The following DOCK2 variants were observed in gnomAD, a reference collection of about 807,000 sequenced individuals.
DOCK2 encodes the protein dedicator of cytokinesis 2, also known as dedicator of cytokinesis protein 2.
A neutral mutation model predicts 248.9 loss-of-function variants in DOCK2; 87 were observed. The observed-to-expected ratio is 0.35, with a 90% CI of 0.29 to 0.42. The LOEUF is 0.42. Ranked by LOEUF, DOCK2 falls within the 10% of genes least tolerant of loss-of-function variation. The probability of loss-of-function intolerance (pLI) is 1.00; values close to 1 mark genes in which losing one functional copy is unlikely to be tolerated. For synonymous variants in DOCK2, 805 were observed against 821.6 expected, an observed-to-expected ratio of 0.98 and a Z score of 0.35; for missense variants, 1,747 against 2,300.2, an observed-to-expected ratio of 0.76 and a Z score of 4.92.
chr5:169,939,203 CTT>C (rs56040572), intron 27 of DOCK2, among the ~76,000 whole-genome samples: 3 of 143,696 alleles, frequency 2.1e-5, no homozygotes, highest in Non-Finnish European at 3.0e-5. Flanking sequence ...TGTGCCCGGC[CTT>C]TTTTTTTTTT....
At chr5:169,997,451 G>A (rs1754687166) in intron 30 of DOCK2, among the ~76,000 whole-genome samples, 1 of 145,392 alleles carries the variant, frequency 6.9e-6, no homozygotes, top group Non-Finnish European at 1.5e-5. Context: ...GGACGGTCAG[G>A]TCTTTCCCTT....
chr5:169,800,955 T>TTTTTTTC (rs1766937079), intron 25 of DOCK2, among the ~76,000 whole-genome samples: 1 of 83,078 alleles, frequency 1.2e-5, no homozygotes, highest in Non-Finnish European at 2.7e-5. Flanking sequence ...TTTTTTTTTT[T>TTTTTTTC]TTTTTTTTTT....
intron 27 of DOCK2, among the ~76,000 whole-genome samples, chr5:169,949,228 T>C (rs1044238815): frequency 1.3e-5 from 2 of 152,232 alleles, no homozygotes; most frequent in Non-Finnish European, 2.9e-5. Context: ...ACGACTACTA[T>C]GTGCAGAATG....
Position 169,775,438 on chromosome 5 carries a change from C to CT in DOCK2, c.2554+13821dup, listed in dbSNP as rs200523195. Among the ~76,000 whole-genome samples the CT allele has an allele frequency of 2.9e-3, 441 of 151,674 alleles. 21 individuals carry two copies. In the East Asian group the frequency reaches 0.069, roughly 24 times the overall value. ...GATAGTCTGTCTCTCTTTCTTTTTT[C>CT]TTTTTTTTGAGATAAGTCTCCCAAG... On this transcript the variant is annotated intron_variant, in intron 25 of 51. Transcript: ENST00000520908.
chr5:169,736,540 G>A (rs936793354), intron 22 of DOCK2, among the ~76,000 whole-genome samples: 2 of 152,236 alleles, frequency 1.3e-5, no homozygotes, highest in Non-Finnish European at 2.9e-5. Flanking sequence ...TGTCTGCTGT[G>A]TGCATTGCAT....
In DOCK2 at chr5:169,806,375, C is replaced by T. The variant is rs569204739; in HGVS notation, c.2703+3169C>T. Among the ~76,000 whole-genome samples the T allele has an allele frequency of 2.6e-5, 4 of 152,142 alleles. No homozygotes were observed. In the South Asian group the frequency reaches 8.3e-4, roughly 32 times the overall value. ...TATTGCCCAGGCTGGTCTCAAACCCCTGGCCTCAAGTGATCCTCCTGCCTT... is the reference window on the plus strand; with the variant it reads ...TATTGCCCAGGCTGGTCTCAAACCCTTGGCCTCAAGTGATCCTCCTGCCTT... On this transcript the variant is annotated intron_variant, in intron 26 of 51. Transcript: ENST00000520908.
At chr5:170,002,274 T>C (rs1445170688) in intron 30 of DOCK2, among the ~76,000 whole-genome samples, 1 of 151,388 alleles carries the variant, frequency 6.6e-6, no homozygotes, top group Non-Finnish European at 1.5e-5. Flanking sequence ...TAAATGTCTA[T>C]AAATAGGGAA....
intron 33 of DOCK2, among the ~76,000 whole-genome samples, chr5:170,026,664 C>T (rs1472490447): frequency 2.6e-5 from 4 of 152,164 alleles, no homozygotes; most frequent in East Asian, 1.9e-4. Context: ...GTTAAAAAGA[C>T]GTTGGGTGAC....
intron 44 of DOCK2, among the ~76,000 whole-genome samples, chr5:170,061,577 C>T (rs955929152): frequency 5.3e-5 from 8 of 152,222 alleles, no homozygotes; most frequent in African/African-American, 1.9e-4. Flanking sequence ...ACCAACTATA[C>T]AACCCCTGTA....
chr5:169,898,907 A>G (rs888580240), intron 27 of DOCK2, among the ~76,000 whole-genome samples: 1 of 152,358 alleles, frequency 6.6e-6, no homozygotes, highest in South Asian at 2.1e-4. Flanking sequence ...GAGCAACCAC[A>G]GAGACTAAAG....
chr5:169,684,258 C>G lies in DOCK2; in HGVS notation c.669C>G (p.Leu223=). ...SRISSSPTHS[L]YVFVRNFVCR... is the part of the protein sequence containing the mutation. ...TCTCCTCATCCCCCACCCATAGCCT[C>G]TATGTGTTTGTGAGAAACTTTGTGT... is the stretch of plus-strand genomic sequence containing the variant. Residue 223 remains leucine (L), a synonymous_variant, in exon 8 of 52, where the codon CTC becomes CTG. Transcript: ENST00000520908. The G allele has an allele frequency of 6.2e-7, 1 of 1,614,176 alleles. No individual in the cohort carries two copies. The highest frequency in any genetic ancestry group is 8.5e-7 in the Non-Finnish European group (1 of 1,180,018).
At chr5:169,954,840 A>C (rs2113732660) in intron 27 of DOCK2, among the ~76,000 whole-genome samples, 1 of 152,362 alleles carries the variant, frequency 6.6e-6, no homozygotes, top group South Asian at 2.1e-4. Context: ...CCCAGGCTGC[A>C]AGTGTGTGTA....
chr5:169,846,584 G>GTGTA (rs1561758897), intron 27 of DOCK2, among the ~76,000 whole-genome samples: 2 of 138,622 alleles, frequency 1.4e-5, no homozygotes, highest in South Asian at 2.3e-4. Flanking sequence ...GATAGAAAGT[G>GTGTA]TATATATATA....
At chr5:169,961,180 G>A (rs1777072061) in intron 27 of DOCK2, among the ~76,000 whole-genome samples, 1 of 152,194 alleles carries the variant, frequency 6.6e-6, no homozygotes, top group Admixed American at 6.5e-5. Context: ...CCATAGATGA[G>A]GGGGCATAAA....
chr5:169,948,613 AT>A (rs772095719), intron 27 of DOCK2, among the ~76,000 whole-genome samples: 966 of 135,668 alleles, frequency 7.1e-3, no homozygotes, highest in Non-Finnish European at 8.9e-3. Context: ...TCCACAATTA[AT>A]TTTTTTTTTT....
chr5:170,028,248 T>G (rs1364505728), intron 34 of DOCK2, among the ~76,000 whole-genome samples: 1 of 152,160 alleles, frequency 6.6e-6, no homozygotes, highest in African/African-American at 2.4e-5. Flanking sequence ...TGATTGCTAT[T>G]TTTCCTTCTA....
intron 48 of DOCK2, among the ~76,000 whole-genome samples, 176 bp downstream of exon 48, chr5:170,078,013 A>AT (rs1007359160): frequency 2.0e-5 from 3 of 152,058 alleles, no homozygotes; most frequent in African/African-American, 7.3e-5. Context: ...GGTTAGTACC[A>AT]TTTTTAGGGG....
chr5:170,042,121 G>T lies in DOCK2; in HGVS notation c.3865G>T (p.Asp1289Tyr). The stretch of plus-strand genomic sequence containing the variant: ...CTACGAGACCATCATAGGCTACTTT[G>T]ACAAAGGAAAGGTAATCTGTCCCTG... ...TLYETIIGYFDKGKMWEEAIS... is the reference protein window; with the variant it reads ...TLYETIIGYFYKGKMWEEAIS... The change falls in exon 38 of 52, where the codon GAC (aspartate) becomes TAC (tyrosine). Residue 1289 changes from aspartate to tyrosine, a missense_variant. Physicochemically the swap from Asp to Tyr is radical, Grantham distance 160 (BLOSUM62 -3). Around this residue, in one of 4 missense-constraint regions of DOCK2, gnomAD observed 858 missense variants for 1,183.5 expected, o/e 0.72. Transcript: ENST00000520908. The T allele has an allele frequency of 2.5e-6, 4 of 1,611,876 alleles. No individual in the cohort carries two copies. The South Asian group carries it at 4.4e-5, about 18-fold the overall frequency.
At chr5:169,645,657 C>A (rs187790632) in intron 1 of DOCK2, among the ~76,000 whole-genome samples, 1 of 152,262 alleles carries the variant, frequency 6.6e-6, no homozygotes, top group East Asian at 1.9e-4. Context: ...GTTTTTGCTG[C>A]AATTGCTTTT....
Sources: allele counts gnomAD v4.1 joint callset (sites outside exome capture counted in the v4.1 genomes callset), GRCh38; gene constraint gnomAD v4.1.1; regional missense constraint gnomAD v4.1.1; transcripts MANE v1.5; gene names NCBI Gene and HGNC (gene_info 2026-07-23, HGNC 2026-07-21).